Variants in MPDZ observed in about 807,000 individuals in gnomAD.
MPDZ encodes multiple PDZ domain crumbs cell polarity complex component, also known as multiple PDZ domain protein.
MPDZ carries 234 observed loss-of-function variants against 239.1 expected under a neutral mutation model. That is an observed-to-expected ratio of 0.98 (90% CI 0.88 to 1.09). MPDZ has a LOEUF of 1.09. MPDZ is among the 50% of genes least tolerant of loss of function. MPDZ has a pLI of 0.00. For synonymous variants in MPDZ, 1,048 were observed against 881.3 expected, an observed-to-expected ratio of 1.19 and a Z score of -3.35; for missense variants, 3,175 against 2,510.0, an observed-to-expected ratio of 1.26 and a Z score of -5.66.
chr9:13,230,609 G>T (rs1278529683), intron 3 of MPDZ, among the ~76,000 whole-genome samples: 1 of 152,048 alleles, frequency 6.6e-6, no homozygotes. Context: ...GTTGCCAGGG[G>T]TTACAAATGT....
At chr9:13,150,479 A>G (rs763672084) in intron 25 of MPDZ, 32 bp downstream of exon 25, 1 of 1,427,490 alleles carries the variant, frequency 7.0e-7, no homozygotes. Context: ...AAAACAAACA[A>G]ATTTTAGCAC....
At chr9:13,171,938 C>T (rs1445585117) in intron 21 of MPDZ, among the ~76,000 whole-genome samples, 2 of 152,148 alleles carry the variant, frequency 1.3e-5, no homozygotes, top group African/African-American at 2.4e-5. Context: ...CTAGCACAAA[C>T]CCAGCCTCTA....
In MPDZ at chr9:13,158,012, C is replaced by T. The variant is rs1950031507; in HGVS notation, c.3452+6G>A. ...TGGGTGGACAGAAGACAGAAATAGT[C>T]CTTACCGCCTGGGCTGATTCCAATT... On this transcript the variant is annotated splice_donor_region_variant and intron_variant, in intron 24 of 46. Transcript: ENST00000319217. The T allele has an allele frequency of 6.2e-7, 1 of 1,611,054 alleles. No individual in the cohort carries two copies. The highest frequency in any genetic ancestry group is 8.5e-7 in the Non-Finnish European group (1 of 1,178,076).
intron 22 of MPDZ, 41 bp from the exon 23 acceptor site, chr9:13,162,836 AT>A: frequency 7.1e-7 from 1 of 1,399,902 alleles, no homozygotes; most frequent in Non-Finnish European, 1.0e-6. Context: ...GGGAAATAAT[AT>A]TTTGCCTAAT....
chr9:13,128,809 G>T (rs1212450747), intron 32 of MPDZ, among the ~76,000 whole-genome samples: 1 of 152,262 alleles, frequency 6.6e-6, no homozygotes, highest in Admixed American at 6.5e-5. Flanking sequence ...ACATGTAAAA[G>T]AAGTAGCACA....
intron 10 of MPDZ, among the ~76,000 whole-genome samples, chr9:13,209,934 A>G (rs1957420518): frequency 6.6e-6 from 1 of 151,936 alleles, no homozygotes; most frequent in South Asian, 2.1e-4. Context: ...GAAATCCAAC[A>G]CACTAATAAA....
intron 45 of MPDZ, 119 bp downstream of exon 45, chr9:13,109,833 T>C: frequency 3.9e-6 from 3 of 773,386 alleles, no homozygotes; most frequent in Non-Finnish European, 6.5e-6. Context: ...TCACACTTCA[T>C]ATATCCTATC....
At chr9:13,237,636 A>T (rs1317392196) in intron 3 of MPDZ, among the ~76,000 whole-genome samples, 1 of 152,058 alleles carries the variant, frequency 6.6e-6, no homozygotes, top group Non-Finnish European at 1.5e-5. Context: ...TTGAGTATAG[A>T]AAAGACATTT....
intron 27 of MPDZ, 25 bp from the exon 28 acceptor site, chr9:13,140,174 G>A (rs1191758842): frequency 1.2e-6 from 2 of 1,609,248 alleles, no homozygotes; most frequent in East Asian, 2.2e-5. Flanking sequence ...AGAATGCAGT[G>A]GGTTTGTACA....
At chr9:13,133,699 T>C (rs1321200962) in intron 32 of MPDZ, 125 bp downstream of exon 32, 6 of 604,428 alleles carry the variant, frequency 9.9e-6, no homozygotes, top group Non-Finnish European at 1.7e-5. Flanking sequence ...TATTTGCAGT[T>C]CTAACAAAAC....
At chr9:13,175,981 G>T in intron 20 of MPDZ, 106 bp from the exon 21 acceptor site, 1 of 1,431,794 alleles carries the variant, frequency 7.0e-7, no homozygotes, top group Non-Finnish European at 9.3e-7. Context: ...GCTTTATTTT[G>T]CAAGAACCTG....
At chr9:13,178,669 G>T (rs1015270316) in intron 19 of MPDZ, among the ~76,000 whole-genome samples, 4 of 152,120 alleles carry the variant, frequency 2.6e-5, no homozygotes, top group Admixed American at 2.6e-4. Flanking sequence ...TATCTTAATA[G>T]GCATTTACAG....
chr9:13,117,857 T>C (rs1390962541), intron 39 of MPDZ, among the ~76,000 whole-genome samples: 1 of 151,464 alleles, frequency 6.6e-6, no homozygotes, highest in Non-Finnish European at 1.5e-5. Context: ...TTTTTTTTTT[T>C]TTTTGAGATG....
At position 13,223,622 on chromosome 9, in the gene MPDZ, C is replaced by T. The variant is rs2136352792; in HGVS notation, c.482G>A (p.Gly161Glu). ...SVVGLRSENR[G>E]ELGIFVQEIQ... Reference sequence around the variant, plus strand: ...CTCTTGAACAAATATTCCCAGCTCTCCTCTGTTTTCACTTCTTAGTCCCAC... The same window carrying T: ...CTCTTGAACAAATATTCCCAGCTCTTCTCTGTTTTCACTTCTTAGTCCCAC... Residue 161 changes from glycine to glutamate, a missense_variant, in exon 5 of 47, where the codon GGA (glycine) becomes GAA (glutamate). By Grantham distance (98) the Gly-to-Glu change is moderately conservative. Transcript: ENST00000319217. 6.2e-7 allele frequency: 1 copy of T among 1,612,518 alleles called. No individual in the cohort carries two copies. The highest frequency in any genetic ancestry group is 8.5e-7 in the Non-Finnish European group (1 of 1,179,050).
rs1955644383 is a variant in MPDZ at position 13,196,344 on chromosome 9, C to G, written c.1547-114G>C. ...CCGCTGTATCACGTCAGACTCTTCG[C>G]CCAATATATGGGCTATTCTCATCTC... On this transcript the variant is annotated intron_variant, in intron 12 of 46. Transcript: ENST00000319217. 12 of 602,356 alleles carry G rather than the reference C, an allele frequency of 2.0e-5. No homozygotes were observed. In the South Asian group the frequency reaches 3.0e-4, roughly 15 times the overall value. 37.3% of individuals were successfully genotyped at this position (602,356 alleles called of 1,614,324 possible).
chr9:13,177,526 A>G (rs1211971307), intron 19 of MPDZ, among the ~76,000 whole-genome samples: 1 of 152,210 alleles, frequency 6.6e-6, no homozygotes, highest in Non-Finnish European at 1.5e-5. Context: ...AAACACAGCC[A>G]TACAATAAAT....
intron 3 of MPDZ, among the ~76,000 whole-genome samples, chr9:13,238,570 G>A (rs138343031): frequency 6.6e-6 from 1 of 152,094 alleles, no homozygotes; most frequent in Non-Finnish European, 1.5e-5. Flanking sequence ...ACATGTGTCC[G>A]TGTCCTTAAT....
intron 1 of MPDZ, among the ~76,000 whole-genome samples, chr9:13,269,089 C>T (rs1243402125): frequency 6.6e-6 from 1 of 152,060 alleles, no homozygotes; most frequent in Non-Finnish European, 1.5e-5. Flanking sequence ...GATACAGACT[C>T]ATTCATTAGA....
chr9:13,246,531 TGATCAC>T (rs1966629199), intron 3 of MPDZ, among the ~76,000 whole-genome samples: 1 of 152,232 alleles, frequency 6.6e-6, no homozygotes, highest in Non-Finnish European at 1.5e-5. Context: ...CTTAAATTCA[TGATCAC>T]GACTTTTAAA....
Sources: gnomAD v4.1 joint callset for allele counts (sites outside exome capture counted in the v4.1 genomes callset) on GRCh38, gnomAD v4.1.1 for gene constraint, MANE v1.5 for transcripts, NCBI Gene and HGNC (gene_info 2026-07-23, HGNC 2026-07-21) for gene names.